The following RASAL2 variants were observed in gnomAD, a reference collection of about 807,000 sequenced individuals.
The protein encoded by RASAL2 is ras GTPase-activating protein nGAP.
RASAL2 carries 58 observed loss-of-function variants against 128.9 expected under a neutral mutation model. That is an observed-to-expected ratio of 0.45 (90% CI 0.36 to 0.56). RASAL2 has a LOEUF of 0.56. Ranked by LOEUF, RASAL2 falls within the 20% of genes least tolerant of loss-of-function variation. The pLI, the probability that RASAL2 is intolerant of heterozygous loss-of-function variation, is 0.00. For synonymous variants in RASAL2, 561 were observed against 580.8 expected (o/e 0.97, Z 0.49); for missense variants, 1,360 against 1,601.6 (o/e 0.85, Z 2.57).
chr1:178,263,410 A>G (rs542710484), intron 1 of RASAL2, among the ~76,000 whole-genome samples: 4 of 152,328 alleles, frequency 2.6e-5, no homozygotes, highest in African/African-American at 9.6e-5. Flanking sequence ...GAGCTCTAAG[A>G]AGTTAAGTAT....
intron 3 of RASAL2, among the ~76,000 whole-genome samples, chr1:178,323,381 G>A (rs1311759488): frequency 6.6e-6 from 1 of 152,112 alleles, no homozygotes; most frequent in African/African-American, 2.4e-5. Context: ...ATGTCAAAGT[G>A]AAAAATAATC....
At chr1:178,451,737 C>T in intron 10 of RASAL2, 22 bp downstream of exon 10, 5 of 1,602,782 alleles carry the variant, frequency 3.1e-6, no homozygotes, top group Non-Finnish European at 4.3e-6. Context: ...TTATCCTCTG[C>T]CTTACATTTT....
At chr1:178,146,290 T>C (rs561700805) in intron 1 of RASAL2, among the ~76,000 whole-genome samples, 1 of 152,370 alleles carries the variant, frequency 6.6e-6, no homozygotes, top group South Asian at 2.1e-4. Context: ...TATTTACTTG[T>C]TATATTCAAG....
intron 9 of RASAL2, among the ~76,000 whole-genome samples, chr1:178,447,255 G>A (rs1055344162): frequency 1.3e-5 from 2 of 151,940 alleles, no homozygotes; most frequent in African/African-American, 4.8e-5. Flanking sequence ...CCAGGAGTTC[G>A]AGGCAGCAGT....
At chr1:178,381,597 C>G (rs1672291668) in intron 3 of RASAL2, among the ~76,000 whole-genome samples, 1 of 151,596 alleles carries the variant, frequency 6.6e-6, no homozygotes. Flanking sequence ...TGTATGTTTT[C>G]TTTTTTTAAT....
At chr1:178,333,185 C>A (rs1229251837) in intron 3 of RASAL2, among the ~76,000 whole-genome samples, 1 of 152,104 alleles carries the variant, frequency 6.6e-6, no homozygotes, top group Non-Finnish European at 1.5e-5. Context: ...CCCGCCACCG[C>A]TCCCGGCTAA....
chr1:178,266,636 C>T (rs1665965028), intron 1 of RASAL2, among the ~76,000 whole-genome samples: 1 of 152,142 alleles, frequency 6.6e-6, no homozygotes, highest in African/African-American at 2.4e-5. Context: ...AGAAGCTACC[C>T]TGTACAGAGA....
chr1:178,355,493 T>G (rs892618514), intron 3 of RASAL2, among the ~76,000 whole-genome samples: 1 of 152,220 alleles, frequency 6.6e-6, no homozygotes. Context: ...CCATCTAAAT[T>G]GTAGACCTAC....
At chr1:178,328,608 G>A (rs1669147912) in intron 3 of RASAL2, among the ~76,000 whole-genome samples, 1 of 152,192 alleles carries the variant, frequency 6.6e-6, no homozygotes, top group Non-Finnish European at 1.5e-5. Context: ...AATAAGTGAT[G>A]TAACTAGGTA....
At position 178,452,537 on chromosome 1, in the gene RASAL2, C is replaced by T. The variant is rs1028951694; in HGVS notation, c.1894C>T (p.Pro632Ser). The T allele has an allele frequency of 4.3e-6, 7 of 1,614,022 alleles. No homozygotes were observed. The highest frequency in any genetic ancestry group is 2.7e-5 in the African/African-American group (2 of 75,010). Residue 632 changes from proline (P) to serine (S), a missense_variant, in exon 11 of 18, where the codon CCA becomes TCA. Physicochemically the swap from Pro to Ser is moderately conservative, Grantham distance 74. Transcript: ENST00000367649. ...SASLFLRFLCPAIMSPSLFNL... is the reference protein window; with the variant it reads ...SASLFLRFLCSAIMSPSLFNL... ...CTCATTATTTCTCCGTTTTCTGTGT[C>T]CAGCCATTATGTCTCCCAGTCTTTT...
At chr1:178,165,851 T>A (rs745840329) in intron 1 of RASAL2, among the ~76,000 whole-genome samples, 3 of 152,194 alleles carry the variant, frequency 2.0e-5, no homozygotes, top group Non-Finnish European at 4.4e-5. Flanking sequence ...AGAGTTGCCC[T>A]GCTCACTGTC....
At chr1:178,194,564 T>C (rs1358718719) in intron 1 of RASAL2, 2 of 154,346 alleles carry the variant, frequency 1.3e-5, no homozygotes, top group African/African-American at 4.8e-5. Context: ...TTTGTTGTTG[T>C]TGTTGTTTTC....
chr1:178,401,008 C>T (rs1673590791), intron 4 of RASAL2, among the ~76,000 whole-genome samples: 1 of 152,198 alleles, frequency 6.6e-6, no homozygotes, highest in African/African-American at 2.4e-5. Flanking sequence ...ACCTTGGCCT[C>T]CCAAGGTGCT....
At chr1:178,418,369 T>C (rs1450967673) in intron 4 of RASAL2, among the ~76,000 whole-genome samples, 1 of 152,210 alleles carries the variant, frequency 6.6e-6, no homozygotes, top group African/African-American at 2.4e-5. Flanking sequence ...TACTATTCAT[T>C]AGGTGGAAGT....
intron 1 of RASAL2, among the ~76,000 whole-genome samples, chr1:178,103,043 G>A (rs1658962388): frequency 6.6e-6 from 1 of 152,132 alleles, no homozygotes; most frequent in South Asian, 2.1e-4. Flanking sequence ...AGTTCTGGGG[G>A]TCTGGAGCCG....
chr1:178,398,028 A>G (rs1673359285), intron 4 of RASAL2, among the ~76,000 whole-genome samples: 1 of 152,106 alleles, frequency 6.6e-6, no homozygotes, highest in Non-Finnish European at 1.5e-5. Flanking sequence ...ATTTGAAAAT[A>G]TTAATACTTT....
intron 1 of RASAL2, among the ~76,000 whole-genome samples, chr1:178,131,801 G>A (rs1057407683): frequency 1.3e-5 from 2 of 152,202 alleles, no homozygotes; most frequent in African/African-American, 2.4e-5. Flanking sequence ...TGGGCAGCCC[G>A]ACCACAGAGC....
chr1:178,276,194 A>G (rs555310685), intron 1 of RASAL2, among the ~76,000 whole-genome samples: 1 of 152,328 alleles, frequency 6.6e-6, no homozygotes, highest in South Asian at 2.1e-4. Flanking sequence ...GGACAAAGCA[A>G]AGTTCACAGG....
intron 1 of RASAL2, among the ~76,000 whole-genome samples, chr1:178,226,449 T>C (rs558044290): frequency 6.6e-6 from 1 of 152,260 alleles, no homozygotes; most frequent in South Asian, 2.1e-4. Context: ...CTTGCAATGG[T>C]AGAGTCTTTT....
Sources: allele counts gnomAD v4.1 joint callset (sites outside exome capture counted in the v4.1 genomes callset), GRCh38; gene constraint gnomAD v4.1.1; transcripts MANE v1.5; gene names NCBI Gene and HGNC (gene_info 2026-07-23, HGNC 2026-07-21).